PDZRN4: variants seen among roughly 807,000 people sequenced by gnomAD.
PDZRN4 encodes the protein PDZ domain containing ring finger 4.
Under a neutral mutation model 99.0 loss-of-function variants are expected in PDZRN4, and 70 were observed. The observed-to-expected ratio is 0.71, with a 90% CI of 0.58 to 0.86. The LOEUF is 0.86. PDZRN4 is among the 40% of genes least tolerant of loss of function. PDZRN4 has a pLI of 0.00. For missense variants in PDZRN4, 1,474 were observed against 1,331.2 expected, an observed-to-expected ratio of 1.11 and a Z score of -1.67; for synonymous variants, 551 against 501.6, an observed-to-expected ratio of 1.10 and a Z score of -1.32.
chr12:41,327,686 T>C (rs1951718890), intron 3 of PDZRN4, among the ~76,000 whole-genome samples: 1 of 152,182 alleles, frequency 6.6e-6, no homozygotes. Context: ...GTTAAAGAAC[T>C]CACAGTCACC....
chr12:41,477,326 G>A (rs755578938), intron 3 of PDZRN4, among the ~76,000 whole-genome samples: 1 of 152,186 alleles, frequency 6.6e-6, no homozygotes, highest in Admixed American at 6.5e-5. Context: ...GTAAGTAGCC[G>A]TGATTGCAAC....
chr12:41,226,074 T>C (rs1566374149), intron 3 of PDZRN4, among the ~76,000 whole-genome samples: 1 of 151,748 alleles, frequency 6.6e-6, no homozygotes, highest in Non-Finnish European at 1.5e-5. Context: ...GTACTGATCA[T>C]TTGGTGTCAT....
chr12:41,220,424 C>T (rs530502859), intron 3 of PDZRN4, among the ~76,000 whole-genome samples: 2 of 152,104 alleles, frequency 1.3e-5, no homozygotes, highest in Admixed American at 6.6e-5. Flanking sequence ...TGTCCAAATG[C>T]AGTCACATTT....
At chr12:41,288,783 C>T (rs543486293) in intron 3 of PDZRN4, among the ~76,000 whole-genome samples, 4 of 152,008 alleles carry the variant, frequency 2.6e-5, no homozygotes, top group South Asian at 4.2e-4. Context: ...TCATTAGTAG[C>T]GAATTTAAAT....
chr12:41,492,877 TGAAA>T (rs1937917827), intron 3 of PDZRN4, among the ~76,000 whole-genome samples: 1 of 152,184 alleles, frequency 6.6e-6, no homozygotes, highest in Non-Finnish European at 1.5e-5. Context: ...AACCTTGGCT[TGAAA>T]GCTGGTGTGG....
At chr12:41,299,340 TAG>T (rs908403696) in intron 3 of PDZRN4, among the ~76,000 whole-genome samples, 2 of 152,112 alleles carry the variant, frequency 1.3e-5, no homozygotes, top group African/African-American at 4.8e-5. Context: ...TCTCAATGAG[TAG>T]AGTTAGATTT....
At chr12:41,436,698 A>G (rs577214970) in intron 3 of PDZRN4, among the ~76,000 whole-genome samples, 1 of 152,186 alleles carries the variant, frequency 6.6e-6, no homozygotes, top group Admixed American at 6.6e-5. Context: ...TCTTTAAGGG[A>G]CAAAAACTGC....
chr12:41,354,839 C>A (rs149182720), intron 3 of PDZRN4, among the ~76,000 whole-genome samples: 177 of 152,074 alleles, frequency 1.2e-3, no homozygotes, highest in African/African-American at 4.2e-3. Context: ...TAGAATAATT[C>A]AAAAATGTAA....
chr12:41,542,731 T>C (rs1938879707), intron 5 of PDZRN4, among the ~76,000 whole-genome samples: 2 of 152,182 alleles, frequency 1.3e-5, no homozygotes, highest in Non-Finnish European at 2.9e-5. Flanking sequence ...GGGTAAGTCA[T>C]TTCAATTTAG....
chr12:41,437,249 C>T (rs899446705), intron 3 of PDZRN4, among the ~76,000 whole-genome samples: 1 of 152,070 alleles, frequency 6.6e-6, no homozygotes, highest in Non-Finnish European at 1.5e-5. Context: ...TGTCACCCCC[C>T]CAAATTTCCT....
At chr12:41,359,326 TA>T (rs1356134522) in intron 3 of PDZRN4, among the ~76,000 whole-genome samples, 1 of 152,024 alleles carries the variant, frequency 6.6e-6, no homozygotes, top group East Asian at 1.9e-4. Context: ...ATTATTACAT[TA>T]ATATATCAAC....
intron 3 of PDZRN4, among the ~76,000 whole-genome samples, chr12:41,203,078 A>G (rs1456067174): frequency 1.3e-5 from 2 of 152,028 alleles, no homozygotes; most frequent in East Asian, 1.9e-4. Context: ...TGCTACAAAC[A>G]TGATTCATGA....
intron 5 of PDZRN4, among the ~76,000 whole-genome samples, chr12:41,530,436 T>C (rs1938641287): frequency 6.6e-6 from 1 of 152,228 alleles, no homozygotes. Context: ...TCCTAGGTCA[T>C]CCAAGTTGTA....
At chr12:41,378,751 G>C (rs1012896671) in intron 3 of PDZRN4, among the ~76,000 whole-genome samples, 1 of 152,068 alleles carries the variant, frequency 6.6e-6, no homozygotes, top group African/African-American at 2.4e-5. Flanking sequence ...TTGAACTCCT[G>C]ACCTCAGGTG....
At position 41,350,472 on chromosome 12, in the gene PDZRN4, A is replaced by G. The variant is rs569035725; in HGVS notation, c.844-155984A>G. ...GTATCAAACAAAAAAGATGTCCTCA[A>G]GGATTCAAAATAACTTTATTATTTA... is the stretch of plus-strand genomic sequence containing the variant. On this transcript the variant is annotated intron_variant, in intron 3 of 9. Transcript: ENST00000402685. Among the ~76,000 whole-genome samples, 5 of 152,262 alleles carry G rather than the reference A, an allele frequency of 3.3e-5. No homozygotes were observed. In the Middle Eastern group the frequency reaches 0.01, roughly 311 times the overall value.
intron 3 of PDZRN4, among the ~76,000 whole-genome samples, chr12:41,349,376 T>C (rs1951875250): frequency 6.6e-6 from 1 of 151,870 alleles, no homozygotes; most frequent in Admixed American, 6.6e-5. Flanking sequence ...GAATTTAGGA[T>C]ATTCTTTGTA....
intron 5 of PDZRN4, among the ~76,000 whole-genome samples, chr12:41,549,972 C>T (rs1468383878): frequency 6.6e-6 from 1 of 152,076 alleles, no homozygotes; most frequent in East Asian, 1.9e-4. Flanking sequence ...TGGTTTGGTC[C>T]AAGGTAAGGA....
intron 3 of PDZRN4, among the ~76,000 whole-genome samples, chr12:41,466,937 C>T (rs1182020496): frequency 2.6e-5 from 4 of 152,172 alleles, no homozygotes; most frequent in East Asian, 3.9e-4. Context: ...TCCCAGTGCA[C>T]GCTGCTTCGC....
At chr12:41,366,952 G>T (rs545083319) in intron 3 of PDZRN4, among the ~76,000 whole-genome samples, 2 of 152,170 alleles carry the variant, frequency 1.3e-5, no homozygotes, top group Admixed American at 1.3e-4. Context: ...TGCTGGGGTG[G>T]TGATACAGAG....
Sources: gnomAD v4.1 joint callset for allele counts (sites outside exome capture counted in the v4.1 genomes callset) on GRCh38, gnomAD v4.1.1 for gene constraint, MANE v1.5 for transcripts, NCBI Gene and HGNC (gene_info 2026-07-23, HGNC 2026-07-21) for gene names.